Variants in SEC23A observed in about 807,000 individuals in gnomAD.
SEC23A encodes the protein SEC23 homolog A, COPII component.
SEC23A carries 56 observed loss-of-function variants against 103.7 expected under a neutral mutation model. The observed-to-expected ratio is 0.54, with a 90% CI of 0.44 to 0.67. The LOEUF (loss-of-function observed/expected upper bound fraction) is 0.67, where lower values mean the gene tolerates loss of function less well. Ranked by LOEUF, SEC23A falls within the 30% of genes least tolerant of loss-of-function variation. The pLI is 0.00. For missense variants in SEC23A, 784 were observed against 936.4 expected, an observed-to-expected ratio of 0.84 and a Z score of 2.12; for synonymous variants, 281 against 293.0, an observed-to-expected ratio of 0.96 and a Z score of 0.42.
intron 13 of SEC23A, among the ~76,000 whole-genome samples, chr14:39,057,708 G>A (rs1886297071): frequency 6.6e-6 from 1 of 152,130 alleles, no homozygotes; most frequent in African/African-American, 2.4e-5. Flanking sequence ...GGATATACGT[G>A]TGCCCACACA....
At chr14:39,089,165 CAAAAAAAAAAAA>C (rs58732430) in intron 5 of SEC23A, among the ~76,000 whole-genome samples, 1 of 69,358 alleles carries the variant, frequency 1.4e-5, no homozygotes, top group Admixed American at 1.5e-4. Context: ...GACTCCGTGT[CAAAAAAAAAAAA>C]AAAAAGAAAA....
At chr14:39,072,785 C>T (rs112096127) in intron 9 of SEC23A, among the ~76,000 whole-genome samples, 1 of 152,110 alleles carries the variant, frequency 6.6e-6, no homozygotes, top group Non-Finnish European at 1.5e-5. Flanking sequence ...CGCACTCCAG[C>T]CTCAGTAACA....
rs186938915 is a variant in SEC23A at position 39,040,460 on chromosome 14, T to C, written c.2142+272A>G. 370 of 471,552 alleles carry C rather than the reference T, an allele frequency of 7.8e-4. 2 individuals are homozygous for C. The highest frequency in any genetic ancestry group is 5.3e-3 in the African/African-American group (270 of 51,356). 29.2% of individuals were successfully genotyped at this position (471,552 alleles called of 1,614,324 possible). ...CATTTTCTTGTTCAACCAAAGCTAG[T>C]ATACCACCACAATGCCATCCTGGCC... On this transcript the variant is annotated intron_variant, in intron 18 of 19. Transcript: ENST00000307712.
At chr14:39,039,584 C>T (rs1483290043) in intron 18 of SEC23A, 1 of 156,218 alleles carries the variant, frequency 6.4e-6, no homozygotes, top group Non-Finnish European at 1.4e-5. Context: ...AAAATAATAA[C>T]CAGAATAAAA....
At chr14:39,045,955 T>C (rs1029883074) in intron 15 of SEC23A, among the ~76,000 whole-genome samples, 1 of 152,198 alleles carries the variant, frequency 6.6e-6, no homozygotes, top group Non-Finnish European at 1.5e-5. Flanking sequence ...CAAGTTTACT[T>C]GTTAAGGCAG....
At chr14:39,094,430 ATATATATATATATTTTTT>A (rs1279208255) in intron 2 of SEC23A, among the ~76,000 whole-genome samples, 434 of 39,220 alleles carry the variant, frequency 0.011, 80 homozygotes, top group African/African-American at 0.033. Flanking sequence ...ATATATATAT[ATATATATATATATTTTTT>A]TTTTTTTTTT....
chr14:39,085,721 C>G, intron 7 of SEC23A, 41 bp downstream of exon 7: 1 of 1,487,290 alleles, frequency 6.7e-7, no homozygotes, highest in Non-Finnish European at 9.3e-7. Flanking sequence ...CACACACACA[C>G]ACACACACTT....
chr14:39,078,403 A>T (rs78793612), intron 7 of SEC23A, among the ~76,000 whole-genome samples: 2,220 of 152,314 alleles, frequency 0.015, 64 homozygotes, highest in African/African-American at 0.05. Context: ...TAAGCCCCAG[A>T]TCTTCCCAAA....
At chr14:39,099,262 G>A (rs189348870) in intron 1 of SEC23A, among the ~76,000 whole-genome samples, 1 of 147,692 alleles carries the variant, frequency 6.8e-6, no homozygotes, top group East Asian at 2.1e-4. Context: ...GGGTTCAAGC[G>A]ATTCCCCTGC....
At chr14:39,099,602 A>G (rs1259227807) in intron 1 of SEC23A, among the ~76,000 whole-genome samples, 1 of 152,212 alleles carries the variant, frequency 6.6e-6, no homozygotes, top group African/African-American at 2.4e-5. Flanking sequence ...TAGAAGATAT[A>G]CATTACTCAG....
At chr14:39,064,703 A>T in intron 11 of SEC23A, 1 of 558,252 alleles carries the variant, frequency 1.8e-6, no homozygotes, top group Non-Finnish European at 3.2e-6. Flanking sequence ...CCAAGTTTTT[A>T]TTGGTGCTGT....
chr14:39,035,640 C>T (rs1364892812), intron 19 of SEC23A, among the ~76,000 whole-genome samples: 2 of 152,122 alleles, frequency 1.3e-5, no homozygotes, highest in African/African-American at 2.4e-5. Flanking sequence ...AATTTATTTA[C>T]CTATATTACA....
At chr14:39,065,188 T>C (rs1286350556) in intron 10 of SEC23A, among the ~76,000 whole-genome samples, 195 bp from the exon 11 acceptor site, 1 of 152,200 alleles carries the variant, frequency 6.6e-6, no homozygotes, top group Non-Finnish European at 1.5e-5. Context: ...ACCAACCTAA[T>C]GTTAACCTTC....
chr14:39,055,527 C>T (rs1220453192), intron 13 of SEC23A, among the ~76,000 whole-genome samples: 4 of 151,886 alleles, frequency 2.6e-5, no homozygotes, highest in Non-Finnish European at 5.9e-5. Context: ...CCTGCCTCAA[C>T]CTCCCAAGTA....
chr14:39,045,510 A>G (rs1749691801), intron 15 of SEC23A, among the ~76,000 whole-genome samples, 186 bp from the exon 16 acceptor site: 1 of 148,066 alleles, frequency 6.8e-6, no homozygotes, highest in Non-Finnish European at 1.5e-5. Context: ...GCCTAAAAAT[A>G]AAATTCCACA....
chr14:39,082,852 A>C (rs891408330), intron 7 of SEC23A, among the ~76,000 whole-genome samples: 2 of 152,240 alleles, frequency 1.3e-5, no homozygotes, highest in Non-Finnish European at 2.9e-5. Flanking sequence ...AGAACATTTT[A>C]CCAAATAACT....
At chr14:39,055,932 G>A (rs1271185047) in intron 13 of SEC23A, among the ~76,000 whole-genome samples, 1 of 152,214 alleles carries the variant, frequency 6.6e-6, no homozygotes, top group Non-Finnish European at 1.5e-5. Context: ...ATGCCTGAGC[G>A]GGACTGGATT....
rs183944662 is a variant in SEC23A, at chr14:39,041,668, G to A, written c.1987-781C>T. Among the ~76,000 whole-genome samples, 8 of 151,954 alleles carry A rather than the reference G, an allele frequency of 5.3e-5. No individual in the cohort carries two copies. The South Asian group carries it at 1.0e-3, about 20-fold the overall frequency. Reference sequence around the variant, plus strand: ...GCGGATCACCCGAGGTCAGGAGTTCGAGACCAGCCTGGCCAACATGGTGAA... The same window carrying A: ...GCGGATCACCCGAGGTCAGGAGTTCAAGACCAGCCTGGCCAACATGGTGAA... On this transcript the variant is annotated intron_variant, in intron 17 of 19. Transcript: ENST00000307712.
chr14:39,044,680 C>T (rs1266190454), intron 16 of SEC23A, among the ~76,000 whole-genome samples: 1 of 152,160 alleles, frequency 6.6e-6, no homozygotes, highest in African/African-American at 2.4e-5. Context: ...CTTTATCAAT[C>T]TTCTAAGCAT....
Sources: allele counts gnomAD v4.1 joint callset (sites outside exome capture counted in the v4.1 genomes callset), GRCh38; gene constraint gnomAD v4.1.1; transcripts MANE v1.5; gene names NCBI Gene and HGNC (gene_info 2026-07-23, HGNC 2026-07-21).